MYH15: variants seen among roughly 807,000 people sequenced by gnomAD.
MYH15 encodes the protein myosin heavy chain 15.
A neutral mutation model predicts 240.5 loss-of-function variants in MYH15; 227 were observed. That is an observed-to-expected ratio of 0.94 (90% confidence interval 0.85 to 1.05). MYH15 has a LOEUF of 1.05. MYH15 is among the 50% of genes least tolerant of loss of function. MYH15 has a pLI of 0.00. For missense variants in MYH15, 2,217 were observed against 2,247.5 expected (o/e 0.99, Z 0.27); for synonymous variants, 785 against 796.7 (o/e 0.99, Z 0.25).
chr3:108,472,642 T>C (rs2083186838), intron 12 of MYH15, among the ~76,000 whole-genome samples: 1 of 152,220 alleles, frequency 6.6e-6, no homozygotes, highest in Non-Finnish European at 1.5e-5. Flanking sequence ...CACCCCCTTT[T>C]AATTCCCTAA....
chr3:108,546,138 C>G, the MYH15 span, among the ~76,000 whole-genome samples: 1 of 152,104 alleles, frequency 6.6e-6, no homozygotes, highest in Non-Finnish European at 1.5e-5. Context: ...ACTGTTCTTT[C>G]AGAATTCTCT....
chr3:108,384,824 C>T, intron 38 of MYH15, 42 bp from the exon 39 acceptor site: 1 of 1,556,706 alleles, frequency 6.4e-7, no homozygotes, highest in South Asian at 1.1e-5. Flanking sequence ...TTCAGAGGAT[C>T]CAGCAGTCTA....
intron 1 of MYH15, among the ~76,000 whole-genome samples, chr3:108,523,177 T>A (rs2083635673): frequency 6.6e-6 from 1 of 152,088 alleles, no homozygotes; most frequent in Non-Finnish European, 1.5e-5. Flanking sequence ...TATTTAAGAT[T>A]ATATGCATAA....
chr3:108,538,129 G>A, the MYH15 span, among the ~76,000 whole-genome samples: 1 of 152,078 alleles, frequency 6.6e-6, no homozygotes, highest in African/African-American at 2.4e-5. Flanking sequence ...CCTGTGTTTC[G>A]GGCATTCTTC....
chr3:108,500,257 GA>G lies in MYH15; in HGVS notation c.356del (p.Phe119SerfsTer3). 6.2e-7 allele frequency: 1 copy of G among 1,613,294 alleles called. No individual in the cohort carries two copies. The highest frequency in any genetic ancestry group is 8.5e-7 in the Non-Finnish European group (1 of 1,179,662). ...ATTTGTAAGGGTTTATGGTCACACAGAAGAGACCTGAATATGTCTGAGGGAA... is the reference window on the plus strand; with the variant it reads ...ATTTGTAAGGGTTTATGGTCACACAGAGAGACCTGAATATGTCTGAGGGAA... Reference protein sequence around the residue: ...QWMIYTYSGLFCVTINPYKWL... With the variant: ...QWMIYTYSGLXCVTINPYKWL... On this transcript the variant is annotated frameshift_variant, in exon 4 of 41. Coordinates refer to ENST00000693548, the MANE Select transcript of MYH15 (RefSeq NM_014981.3). LOFTEE classifies it high-confidence loss of function.
intron 21 of MYH15, among the ~76,000 whole-genome samples, chr3:108,452,944 C>A (rs2082986517): frequency 6.6e-6 from 1 of 151,974 alleles, no homozygotes; most frequent in Non-Finnish European, 1.5e-5. Context: ...TAGGGAGACC[C>A]TGTTTCTACA....
At chr3:108,498,292 C>G (rs2083409627) in intron 5 of MYH15, 147 bp from the exon 6 acceptor site, 1 of 674,226 alleles carries the variant, frequency 1.5e-6, no homozygotes, top group Admixed American at 2.6e-5. Flanking sequence ...GATATATTGA[C>G]ATTTAATTGG....
chr3:108,410,790 C>T lies in MYH15; in HGVS notation c.4288G>A (p.Ala1430Thr). The change falls in exon 31 of 41, where the codon GCA becomes ACA. Residue 1430 changes from alanine (A) to threonine (T), a missense_variant. Physicochemically the swap from Ala to Thr is moderately conservative, Grantham distance 58 (BLOSUM62 0). Transcript: ENST00000693548. Reference sequence around the variant, plus strand: ...TGCTTCTGGTCCAGCCTGGCTGCTGCAGAGCGGACCTTCCCGAGGTCAGAC... The same window carrying T: ...TGCTTCTGGTCCAGCCTGGCTGCTGTAGAGCGGACCTTCCCGAGGTCAGAC... The part of the protein sequence containing the change: ...ALSDLGKVRS[A>T]AARLDQKQLQ... The T allele has an allele frequency of 6.2e-7, 1 of 1,614,154 alleles. No individual in the cohort carries two copies. Among genetic ancestry groups the T allele is most frequent in the Non-Finnish European group, 8.5e-7 (1 of 1,179,992 alleles).
At chr3:108,448,746 A>ACT (rs2082949197) in intron 21 of MYH15, among the ~76,000 whole-genome samples, 1 of 149,556 alleles carries the variant, frequency 6.7e-6, no homozygotes, top group African/African-American at 2.4e-5. Flanking sequence ...AAGAATGCTC[A>ACT]CTCTCAATAG....
chr3:108,542,053 A>G, the MYH15 span, among the ~76,000 whole-genome samples: 1 of 152,118 alleles, frequency 6.6e-6, no homozygotes, highest in Non-Finnish European at 1.5e-5. Flanking sequence ...TGAAAGGGAA[A>G]TAACTGTCAT....
intron 16 of MYH15, 56 bp downstream of exon 16, chr3:108,463,055 G>A (rs1673076782): frequency 1.9e-6 from 3 of 1,547,534 alleles, no homozygotes; most frequent in Admixed American, 4.4e-5. Context: ...CAAAAGCTGA[G>A]GCAGCCATGG....
chr3:108,405,759 C>T (rs1269609602), intron 32 of MYH15, among the ~76,000 whole-genome samples: 1 of 152,012 alleles, frequency 6.6e-6, no homozygotes, highest in African/African-American at 2.4e-5. Context: ...AATGTATTAC[C>T]CTTGACTTTT....
rs2083158496 is a variant in MYH15, at chr3:108,470,092, A to G, written c.1504T>C (p.Ser502Pro). Residue 502 changes from serine (S) to proline (P), a missense_variant, in exon 14 of 41, where the codon TCT (serine) becomes CCT (proline). Coordinates refer to ENST00000693548, the MANE Select transcript of MYH15 (RefSeq NM_014981.3). ...EYKKESIEWV[S>P]IGFGLDLQAC... ...TGCAAATCCAGACCAAAGCCAATAG[A>G]CACCCATTCAATGCTTTCTTTCTTA... 6.2e-7 allele frequency: 1 copy of G among 1,612,030 alleles called. No individual in the cohort carries two copies. The highest frequency in any genetic ancestry group is 8.5e-7 in the Non-Finnish European group (1 of 1,179,248).
At chr3:108,527,598 T>A (rs2083682900) in intron 1 of MYH15, among the ~76,000 whole-genome samples, 1 of 152,204 alleles carries the variant, frequency 6.6e-6, no homozygotes, top group Non-Finnish European at 1.5e-5. Flanking sequence ...ATAACTCCTA[T>A]TTTGTGTTGA....
rs751849859 is a variant in MYH15 at position 108,391,716 on chromosome 3, T to C, written c.5430+44A>G. The C allele has an allele frequency of 2.5e-6, 4 of 1,578,706 alleles. No individual in the cohort carries two copies. The South Asian group carries it at 4.7e-5, about 19-fold the overall frequency. ...GTCACATTCCAGGACAAAGAGGTCT[T>C]GAATTGGGGACTGTCAAGCCCTCAT... On this transcript the variant is annotated intron_variant, in intron 37 of 40. Coordinates refer to ENST00000693548, the MANE Select transcript of MYH15 (RefSeq NM_014981.3).
chr3:108,518,499 T>C (rs895564934), intron 1 of MYH15, among the ~76,000 whole-genome samples: 2 of 152,202 alleles, frequency 1.3e-5, no homozygotes, highest in African/African-American at 4.8e-5. Flanking sequence ...ACACAGTTAC[T>C]GTACTATCTT....
chr3:108,547,706 T>C, the MYH15 span, among the ~76,000 whole-genome samples: 5,690 of 152,280 alleles, frequency 0.037, 495 homozygotes, highest in East Asian at 0.39. Flanking sequence ...TCATATAGAC[T>C]GCTATTTTCA....
intron 12 of MYH15, among the ~76,000 whole-genome samples, 178 bp from the exon 13 acceptor site, chr3:108,471,025 A>G (rs976869479): frequency 1.2e-4 from 15 of 129,924 alleles, no homozygotes; most frequent in Middle Eastern, 3.7e-3. Context: ...GAGAGAGAGA[A>G]AAAGAAAGAA....
the MYH15 span, among the ~76,000 whole-genome samples, chr3:108,534,914 T>C: frequency 1.3e-5 from 2 of 152,000 alleles, no homozygotes; most frequent in Non-Finnish European, 2.9e-5. Flanking sequence ...AAAATAAAAC[T>C]TCACTGTTTC....
Sources: allele counts gnomAD v4.1 joint callset (sites outside exome capture counted in the v4.1 genomes callset), GRCh38; gene constraint gnomAD v4.1.1; transcripts MANE v1.5; gene names NCBI Gene and HGNC (gene_info 2026-07-23, HGNC 2026-07-21).